DAB2IP: variants seen among roughly 807,000 people sequenced by gnomAD.
DAB2IP encodes the protein disabled homolog 2-interacting protein.
DAB2IP carries 28 observed loss-of-function variants against 107.2 expected under a neutral mutation model. That is an observed-to-expected ratio of 0.26 (90% CI 0.19 to 0.36). The LOEUF (loss-of-function observed/expected upper bound fraction) is 0.36, where lower values mean the gene tolerates loss of function less well. Among genes scored for constraint, DAB2IP ranks in the 10% least tolerant of loss-of-function variants. The pLI, the probability that DAB2IP is intolerant of heterozygous loss-of-function variation, is 1.00. For missense variants in DAB2IP, 1,400 were observed against 1,644.7 expected, an observed-to-expected ratio of 0.85 and a Z score of 2.57; for synonymous variants, 755 against 706.4, an observed-to-expected ratio of 1.07 and a Z score of -1.09.
At chr9:121,642,015 C>CTT (rs1832347476) in intron 1 of DAB2IP, among the ~76,000 whole-genome samples, 7 of 27,972 alleles carry the variant, frequency 2.5e-4, no homozygotes, top group African/African-American at 7.7e-4. Context: ...CTCTCTCTCT[C>CTT]TCTCTCTCTC....
At chr9:121,598,628 T>C (rs1255127875) in intron 1 of DAB2IP, 1 of 152,178 alleles carries the variant, frequency 6.6e-6, no homozygotes, top group Admixed American at 6.5e-5. Context: ...GCTGCGGAGG[T>C]AAGGCCGTGC....
chr9:121,637,498 TC>T (rs1832130108), intron 1 of DAB2IP, among the ~76,000 whole-genome samples: 1 of 152,108 alleles, frequency 6.6e-6, no homozygotes, highest in Non-Finnish European at 1.5e-5. Flanking sequence ...AAGCAGGGTC[TC>T]CCCTGCTGTA....
At chr9:121,678,840 G>A in intron 2 of DAB2IP, 59 bp downstream of exon 2, 2 of 1,449,726 alleles carry the variant, frequency 1.4e-6, no homozygotes, top group South Asian at 1.3e-5. Flanking sequence ...CCTCGCCCGG[G>A]GTGCTGCTCT....
intron 3 of DAB2IP, among the ~76,000 whole-genome samples, chr9:121,710,661 G>T (rs1830298292): frequency 6.6e-6 from 1 of 152,166 alleles, no homozygotes; most frequent in Non-Finnish European, 1.5e-5. Flanking sequence ...TTCCTCCAAG[G>T]TCAGAAGAAC....
At chr9:121,571,850 G>C (rs1249076316) in intron 1 of DAB2IP, among the ~76,000 whole-genome samples, 1 of 152,114 alleles carries the variant, frequency 6.6e-6, no homozygotes, top group Non-Finnish European at 1.5e-5. Flanking sequence ...AGCAGACATA[G>C]GTGCAGAGGT....
intron 3 of DAB2IP, among the ~76,000 whole-genome samples, chr9:121,748,295 G>T (rs1372888858): frequency 6.6e-6 from 1 of 152,212 alleles, no homozygotes; most frequent in Non-Finnish European, 1.5e-5. Context: ...AGAGGAACGG[G>T]CCGTTGCTGG....
chr9:121,654,307 GCA>G (rs1832885735), intron 1 of DAB2IP, among the ~76,000 whole-genome samples: 1 of 152,116 alleles, frequency 6.6e-6, no homozygotes, highest in East Asian at 1.9e-4. Flanking sequence ...GTGGGGAAGA[GCA>G]GGCAACAGTA....
chr9:121,743,237 TGTGCCCAGCACATA>T (rs755005341), intron 3 of DAB2IP, among the ~76,000 whole-genome samples: 1 of 152,246 alleles, frequency 6.6e-6, no homozygotes, highest in Non-Finnish European at 1.5e-5. Flanking sequence ...TACCCAGTGC[TGTGCCCAGCACATA>T]GTGCCCAAAG....
chr9:121,589,407 C>T (rs1830377993), intron 1 of DAB2IP, among the ~76,000 whole-genome samples: 1 of 152,110 alleles, frequency 6.6e-6, no homozygotes, highest in Non-Finnish European at 1.5e-5. Flanking sequence ...TTTTTATGGG[C>T]TATTTCCTCT....
intron 1 of DAB2IP, among the ~76,000 whole-genome samples, chr9:121,653,827 C>T (rs1832863857): frequency 6.6e-6 from 1 of 152,198 alleles, no homozygotes; most frequent in Admixed American, 6.5e-5. Flanking sequence ...CCCACATACA[C>T]AGGATCACTG....
At chr9:121,596,770 G>A (rs1241769934) in intron 1 of DAB2IP, among the ~76,000 whole-genome samples, 3 of 150,772 alleles carry the variant, frequency 2.0e-5, no homozygotes, top group East Asian at 1.9e-4. Flanking sequence ...AAGACTCTGG[G>A]TCACTGGGGT....
At chr9:121,710,745 C>T (rs1170583221) in intron 3 of DAB2IP, among the ~76,000 whole-genome samples, 2 of 152,188 alleles carry the variant, frequency 1.3e-5, no homozygotes, top group African/African-American at 4.8e-5. Flanking sequence ...CAGGGACTCC[C>T]CCACCAGCCT....
chr9:121,643,842 T>C (rs111535876), intron 1 of DAB2IP, among the ~76,000 whole-genome samples: 1 of 152,216 alleles, frequency 6.6e-6, no homozygotes, highest in African/African-American at 2.4e-5. Flanking sequence ...CTCTGGACTG[T>C]CCTCTCAACC....
intron 3 of DAB2IP, among the ~76,000 whole-genome samples, chr9:121,741,874 A>AT: frequency 6.6e-6 from 1 of 151,310 alleles, no homozygotes; most frequent in African/African-American, 2.4e-5. Context: ...TATTATGTCC[A>AT]TTTTTGAGGA....
intron 1 of DAB2IP, among the ~76,000 whole-genome samples, chr9:121,592,232 G>T (rs1010572985): frequency 2.6e-5 from 4 of 152,106 alleles, no homozygotes; most frequent in Non-Finnish European, 4.4e-5. Context: ...TGGGCATGGT[G>T]GTACGCACCT....
chr9:121,613,251 T>C (rs1831156194), intron 1 of DAB2IP, among the ~76,000 whole-genome samples: 1 of 152,192 alleles, frequency 6.6e-6, no homozygotes, highest in Admixed American at 6.5e-5. Flanking sequence ...TAAACCACCT[T>C]GGCCACTGTT....
At chr9:121,647,749 GTA>G, upstream of DAB2IP, among the ~76,000 whole-genome samples, 1 of 151,578 alleles carries the variant, frequency 6.6e-6, no homozygotes, top group South Asian at 2.1e-4. Context: ...TTGCAAAAAT[GTA>G]TATATACACA....
intron 1 of DAB2IP, among the ~76,000 whole-genome samples, chr9:121,620,348 C>T (rs145876795): frequency 5.9e-5 from 9 of 152,216 alleles, no homozygotes; most frequent in Admixed American, 2.6e-4. Context: ...AGCCACTGAC[C>T]GGTCCACAAA....
intron 1 of DAB2IP, among the ~76,000 whole-genome samples, chr9:121,604,167 C>G (rs1043318467): frequency 6.6e-6 from 1 of 152,174 alleles, no homozygotes; most frequent in Non-Finnish European, 1.5e-5. Context: ...TGCAGGCCCT[C>G]TCAGCCCTGG....
Sources: gnomAD v4.1 joint callset for allele counts (sites outside exome capture counted in the v4.1 genomes callset) on GRCh38, gnomAD v4.1.1 for gene constraint, MANE v1.5 for transcripts, NCBI Gene and HGNC (gene_info 2026-07-23, HGNC 2026-07-21) for gene names.